Variants in CUX2 observed in about 807,000 individuals in gnomAD.
CUX2 encodes homeobox protein cut-like 2.
A neutral mutation model predicts 144.8 loss-of-function variants in CUX2; 40 were observed. That is an observed-to-expected ratio of 0.28 (90% CI 0.21 to 0.36). The LOEUF (loss-of-function observed/expected upper bound fraction) is 0.36, where lower values mean the gene tolerates loss of function less well. CUX2 is among the 10% of genes least tolerant of loss of function. The pLI, the probability that CUX2 is intolerant of heterozygous loss-of-function variation, is 1.00. For synonymous variants in CUX2, 827 were observed against 875.6 expected (o/e 0.94, Z 0.98); for missense variants, 1,615 against 1,994.0 (o/e 0.81, Z 3.62).
At chr12:111,114,459 G>T (rs983857675) in intron 1 of CUX2, among the ~76,000 whole-genome samples, 2 of 152,108 alleles carry the variant, frequency 1.3e-5, no homozygotes, top group Non-Finnish European at 2.9e-5. Context: ...TCTTCTTGAT[G>T]AATTTTGAGG....
intron 4 of CUX2, 71 bp from the exon 5 acceptor site, chr12:111,291,347 C>A: frequency 6.6e-7 from 1 of 1,504,640 alleles, no homozygotes. Flanking sequence ...ACCTGCCAGG[C>A]CCTGCAGCCA....
intron 3 of CUX2, among the ~76,000 whole-genome samples, chr12:111,250,367 C>T (rs1301192892): frequency 1.3e-5 from 2 of 152,068 alleles, no homozygotes; most frequent in African/African-American, 2.4e-5. Flanking sequence ...CTTGGCCCCT[C>T]GTGTGTGTAT....
At chr12:111,081,834 G>A (rs186849479) in intron 1 of CUX2, among the ~76,000 whole-genome samples, 41 of 152,208 alleles carry the variant, frequency 2.7e-4, no homozygotes, top group Admixed American at 7.2e-4. Context: ...ACGAGCTTCC[G>A]CCTGCTGGTG....
In CUX2 at chr12:111,306,968, G is replaced by A. The variant is rs373879856; in HGVS notation, c.906G>A (p.Ala302=). The A allele has an allele frequency of 7.7e-5, 124 of 1,613,186 alleles. No homozygotes were observed. The highest frequency in any genetic ancestry group is 1.0e-4 in the Non-Finnish European group (118 of 1,179,678). The change falls in exon 11 of 22, where the codon GCG becomes GCA. Residue 302 remains alanine (A), a synonymous_variant. Coordinates refer to ENST00000261726, the MANE Select transcript of CUX2 (RefSeq NM_015267.4). ...TLCSGPRLEA[A]LASKDREILR... Reference sequence around the variant, plus strand: ...GCTCGGGCCCTCGGCTGGAGGCCGCGCTGGCCTCCAAGGACAGGGAGATCC... The same window carrying A: ...GCTCGGGCCCTCGGCTGGAGGCCGCACTGGCCTCCAAGGACAGGGAGATCC...
At chr12:111,094,284 C>G (rs919123651) in intron 1 of CUX2, among the ~76,000 whole-genome samples, 1 of 152,210 alleles carries the variant, frequency 6.6e-6, no homozygotes, top group Non-Finnish European at 1.5e-5. Flanking sequence ...TGCGGCTGGG[C>G]CCGGTGTGAG....
chr12:111,276,191 A>G (rs1884863878), intron 4 of CUX2, among the ~76,000 whole-genome samples: 1 of 152,026 alleles, frequency 6.6e-6, no homozygotes, highest in African/African-American at 2.4e-5. Flanking sequence ...TGTCTCTACA[A>G]AAAATTTTAA....
At position 111,165,421 on chromosome 12, in the gene CUX2, G is replaced by A. The variant is rs531186774; in HGVS notation, c.64-48779G>A. Among the ~76,000 whole-genome samples, 27 of 152,324 alleles carry A rather than the reference G, an allele frequency of 1.8e-4. No homozygotes were observed. The South Asian group carries it at 5.4e-3, about 30-fold the overall frequency. Reference sequence around the variant, plus strand: ...AGCACAGAAGATGCAAGGGTTTGGTGGAGAGTGGACACAGACTGTCGTCTG... The same window carrying A: ...AGCACAGAAGATGCAAGGGTTTGGTAGAGAGTGGACACAGACTGTCGTCTG... On this transcript the variant is annotated intron_variant, in intron 1 of 21. Transcript: ENST00000261726.
intron 1 of CUX2, among the ~76,000 whole-genome samples, chr12:111,117,010 C>G (rs1162347324): frequency 2.0e-5 from 3 of 152,252 alleles, no homozygotes; most frequent in African/African-American, 7.2e-5. Flanking sequence ...ATACTGTGCT[C>G]CATTCCTTAC....
rs890488992 is a variant in CUX2 at position 111,037,883 on chromosome 12, C to T, written c.63+3643C>T. 2.0e-5 allele frequency among the ~76,000 whole-genome samples: 3 copies of T among 152,084 alleles called. No homozygotes were observed. Among genetic ancestry groups the T allele is most frequent in the Admixed American group, 2.0e-4 (3 of 15,274 alleles). ...ACAATGAGCTGGGGGGCACCCAGTC[C>T]AAATGAGGGTCCTCGGTCCAAATGC... On this transcript the variant is annotated intron_variant, in intron 1 of 21. Transcript: ENST00000261726. This position sits in a 1 kb window ranked among gnomAD's most constrained non-coding sequence, Gnocchi z 5.4.
chr12:111,326,306 G>C (rs1307385066), intron 18 of CUX2, among the ~76,000 whole-genome samples: 1 of 48,986 alleles, frequency 2.0e-5, no homozygotes, highest in African/African-American at 1.5e-4. Flanking sequence ...TGTTTATAGT[G>C]TTGTGGTGGG....
intron 1 of CUX2, among the ~76,000 whole-genome samples, chr12:111,088,896 G>C (rs1377791797): frequency 6.6e-6 from 1 of 152,166 alleles, no homozygotes; most frequent in African/African-American, 2.4e-5. Context: ...GCTCTGCAGT[G>C]GGGAGAGGCG....
At chr12:111,075,425 T>C (rs74600965) in intron 1 of CUX2, among the ~76,000 whole-genome samples, 1,743 of 152,220 alleles carry the variant, frequency 0.011, 45 homozygotes, top group African/African-American at 0.04. Flanking sequence ...AGTTGGCCTC[T>C]CTCTGGTCTC....
rs777250922 is a variant in CUX2 at position 111,307,291 on chromosome 12, G to A, written c.1109+34G>A. 8.7e-6 allele frequency: 14 copies of A among 1,603,088 alleles called. No homozygotes were observed. The highest frequency in any genetic ancestry group is 1.2e-5 in the Non-Finnish European group (14 of 1,171,248). ...TGGGGTGGGGCTCCACAGACCCTCAGTGCTCTTCCCTGGCCAGGAGCTCTT... is the reference window on the plus strand; with the variant it reads ...TGGGGTGGGGCTCCACAGACCCTCAATGCTCTTCCCTGGCCAGGAGCTCTT... On this transcript the variant is annotated intron_variant, in intron 12 of 21. Coordinates refer to ENST00000261726, the MANE Select transcript of CUX2 (RefSeq NM_015267.4). The surrounding 1 kb of genome is among the most constrained non-coding windows in gnomAD (Gnocchi z 4.1).
rs1883298222 is a variant in CUX2 at position 111,246,744 on chromosome 12, A to G, written c.223-17017A>G. On this transcript the variant is annotated intron_variant, in intron 3 of 21. Transcript: ENST00000261726. The surrounding 1 kb of genome is among the most constrained non-coding windows in gnomAD (Gnocchi z 4.0). ...GTCCTTTCTCACCTCTCACCTTTGT[A>G]TGCAACTGCTCTCCCTCCTGTTGAA... 6.6e-6 allele frequency among the ~76,000 whole-genome samples: 1 copy of G among 152,144 alleles called. No individual in the cohort carries two copies. The highest frequency in any genetic ancestry group is 6.5e-5 in the Admixed American group (1 of 15,272).
chr12:111,047,352 A>AT (rs138453618), intron 1 of CUX2, among the ~76,000 whole-genome samples: 44 of 150,530 alleles, frequency 2.9e-4, no homozygotes, highest in South Asian at 4.2e-4. Context: ...AGTTTTTTAG[A>AT]TTTTTTTTTT....
At chr12:111,073,760 A>C (rs1174904355) in intron 1 of CUX2, among the ~76,000 whole-genome samples, 1 of 152,036 alleles carries the variant, frequency 6.6e-6, no homozygotes, top group Non-Finnish European at 1.5e-5. Flanking sequence ...AGGAATTTGA[A>C]ACCAGCCTGG....
At chr12:111,150,300 TTCC>T (rs1429464965) in intron 1 of CUX2, among the ~76,000 whole-genome samples, 1 of 152,186 alleles carries the variant, frequency 6.6e-6, no homozygotes, top group Non-Finnish European at 1.5e-5. Flanking sequence ...TTTTTTAACC[TTCC>T]TCCTCCCCCC....
intron 3 of CUX2, among the ~76,000 whole-genome samples, chr12:111,232,878 G>T (rs4766451): frequency 0.4 from 60,704 of 152,082 alleles, 16,920 homozygotes; most frequent in African/African-American, 0.78. Context: ...ACAAAGACGA[G>T]TCCCTCACAG....
intron 1 of CUX2, among the ~76,000 whole-genome samples, chr12:111,090,012 C>T (rs1021481008): frequency 6.6e-6 from 1 of 152,152 alleles, no homozygotes; most frequent in South Asian, 2.1e-4. Context: ...CTCTGGCCAT[C>T]ATGTGCAGTG....
Sources: gnomAD v4.1 joint callset for allele counts (sites outside exome capture counted in the v4.1 genomes callset) on GRCh38, gnomAD v4.1.1 for gene constraint, Gnocchi (gnomAD v3.1) non-coding constraint, MANE v1.5 for transcripts, NCBI Gene and HGNC (gene_info 2026-07-23, HGNC 2026-07-21) for gene names.